OR3A2: variants seen among roughly 807,000 people sequenced by gnomAD.
OR3A2 encodes the protein olfactory receptor 3A2.
For synonymous variants in OR3A2, 126 were observed against 159.3 expected (o/e 0.79, Z 1.57); for missense variants, 318 against 392.8 (o/e 0.81, Z 1.61).
At chr17:3,331,409 C>G (rs1436684073) in intron 3 of OR3A2, among the ~76,000 whole-genome samples, 1 of 151,072 alleles carries the variant, frequency 6.6e-6, no homozygotes, top group South Asian at 2.1e-4. Context: ...AGGCTTTGCT[C>G]ATTTCTTTTT....
At chr17:3,280,648 G>A (rs945874278) in intron 1 of OR3A2, among the ~76,000 whole-genome samples, 1 of 152,174 alleles carries the variant, frequency 6.6e-6, no homozygotes, top group Non-Finnish European at 1.5e-5. Flanking sequence ...AGCCAGGCCA[G>A]AGGTTCTTTA....
intron 2 of OR3A2, among the ~76,000 whole-genome samples, chr17:3,358,947 T>C (rs1243353639): frequency 6.6e-6 from 1 of 151,810 alleles, no homozygotes; most frequent in Non-Finnish European, 1.5e-5. Context: ...ACTTGCTTTA[T>C]AAATCTGGGT....
chr17:3,345,921 A>C (rs1022178598), intron 2 of OR3A2, among the ~76,000 whole-genome samples: 7 of 152,202 alleles, frequency 4.6e-5, no homozygotes, highest in African/African-American at 1.7e-4. Context: ...CTGACAGAAG[A>C]GTCTACAAGC....
chr17:3,291,358 C>T (rs2048864557), intron 3 of OR3A2: 1 of 335,194 alleles, frequency 3.0e-6, no homozygotes, highest in African/African-American at 2.1e-5. Flanking sequence ...CCTGTCAGCA[C>T]TCACAGCTTC....
chr17:3,372,581 G>T (rs1176218532), intron 2 of OR3A2, among the ~76,000 whole-genome samples: 1 of 152,122 alleles, frequency 6.6e-6, no homozygotes, highest in Non-Finnish European at 1.5e-5. Context: ...CGGCACCTCG[G>T]GAGGCCGAGG....
At chr17:3,332,590 G>A (rs1037012603) in intron 3 of OR3A2, among the ~76,000 whole-genome samples, 5 of 152,146 alleles carry the variant, frequency 3.3e-5, no homozygotes, top group East Asian at 1.9e-4. Context: ...ACTGACCTGC[G>A]CCCACTGTCT....
chr17:3,300,119 A>G (rs1161942619), intron 3 of OR3A2, among the ~76,000 whole-genome samples: 1 of 151,676 alleles, frequency 6.6e-6, no homozygotes, highest in Non-Finnish European at 1.5e-5. Context: ...ACTTTTCTAT[A>G]AGACTTTCCC....
chr17:3,311,799 A>C lies in OR3A2; in HGVS notation c.-85+24234T>G, dbSNP rs2049046450. ...TGTGTCTGGGCTCAGTCTCAGCCTCAGACAAAGATAAGGGGATTGGGATCC... is the reference window on the plus strand; with the variant it reads ...TGTGTCTGGGCTCAGTCTCAGCCTCCGACAAAGATAAGGGGATTGGGATCC... On this transcript the variant is annotated intron_variant, in intron 3 of 4. Transcript: ENST00000573491. The surrounding 1 kb of genome is among the most constrained non-coding windows in gnomAD (Gnocchi z 4.6). The C allele has an allele frequency of 5.0e-6, 1 of 200,288 alleles. No homozygotes were observed. Among genetic ancestry groups the C allele is most frequent in the African/African-American group, 2.3e-5 (1 of 43,490 alleles). The allele number at this position is 200,288 out of a possible 1,614,324, so 12.4% of individuals were successfully genotyped here.
At chr17:3,345,438 GAT>G (rs1491060098) in intron 2 of OR3A2, among the ~76,000 whole-genome samples, 6 of 132,772 alleles carry the variant, frequency 4.5e-5, no homozygotes, top group African/African-American at 8.6e-5. Flanking sequence ...GAGAGAGAGA[GAT>G]AGAGACAGAG....
At chr17:3,289,502 A>G (rs1166387748) in intron 3 of OR3A2, among the ~76,000 whole-genome samples, 2 of 152,244 alleles carry the variant, frequency 1.3e-5, no homozygotes, top group African/African-American at 4.8e-5. Flanking sequence ...AGCCAGCTGA[A>G]GAAATGCCAG....
At chr17:3,315,468 C>G (rs2318023) in intron 3 of OR3A2, among the ~76,000 whole-genome samples, 10 of 151,926 alleles carry the variant, frequency 6.6e-5, no homozygotes, top group African/African-American at 2.4e-4. Flanking sequence ...CTGGGTTTGT[C>G]GGCCACTTGT....
rs185775170 is a variant in OR3A2, at chr17:3,366,165, T to C, written c.-179+17639A>G. Reference sequence around the variant, plus strand: ...GCAACTGGATTCACTGTCCAAACGATGATCAAGTAGGAGTGAAGTAGTTCC... The same window carrying C: ...GCAACTGGATTCACTGTCCAAACGACGATCAAGTAGGAGTGAAGTAGTTCC... On this transcript the variant is annotated intron_variant, in intron 2 of 4. Transcript: ENST00000573491. 2.4e-3 allele frequency among the ~76,000 whole-genome samples: 373 copies of C among 152,332 alleles called. 3 individuals are homozygous for C. The highest frequency in any genetic ancestry group is 2.4e-3 in the Admixed American group (37 of 15,304).
At chr17:3,385,443 A>G (rs2049769348) in intron 1 of OR3A2, among the ~76,000 whole-genome samples, 1 of 152,008 alleles carries the variant, frequency 6.6e-6, no homozygotes, top group South Asian at 2.1e-4. Context: ...GATAGATGAT[A>G]GAGGAGGATA....
chr17:3,363,600 C>T (rs1406757978), intron 2 of OR3A2, among the ~76,000 whole-genome samples: 1 of 151,758 alleles, frequency 6.6e-6, no homozygotes, highest in East Asian at 1.9e-4. Context: ...ACTATTCCAA[C>T]CTCTGCCCAT....
upstream of OR3A2, among the ~76,000 whole-genome samples, chr17:3,288,417 A>C (rs546058277): frequency 1.3e-5 from 2 of 152,316 alleles, no homozygotes; most frequent in African/African-American, 4.8e-5. Context: ...CATATAGCCT[A>C]GGTGTTCAGT....
chr17:3,286,089 T>C (rs150857197), upstream of OR3A2, among the ~76,000 whole-genome samples: 2,630 of 151,808 alleles, frequency 0.017, 86 homozygotes, highest in African/African-American at 0.06. Context: ...CAAGAGGCCC[T>C]GGTGTGTGGT....
At position 3,321,923 on chromosome 17, in the gene OR3A2, T is replaced by C. The variant is rs539164954; in HGVS notation, c.-85+14110A>G. Among the ~76,000 whole-genome samples, 184 of 152,270 alleles carry C rather than the reference T, an allele frequency of 1.2e-3. 2 individuals are homozygous for C. Among genetic ancestry groups the C allele is most frequent in the African/African-American group, 4.3e-3 (177 of 41,530 alleles). ...ATGAATTAGGGTGGATTCCCTCTTT[T>C]TCTTTTGATTGGAATAGTTTCAGAA... is the stretch of plus-strand genomic sequence containing the variant. On this transcript the variant is annotated intron_variant, in intron 3 of 4. Transcript: ENST00000573491.
At chr17:3,328,072 AG>A (rs930499870) in intron 3 of OR3A2, among the ~76,000 whole-genome samples, 5 of 145,396 alleles carry the variant, frequency 3.4e-5, no homozygotes, top group African/African-American at 1.3e-4. Flanking sequence ...ACTTTAAAGT[AG>A]TTTTTTCCAA....
chr17:3,292,823 C>T lies in OR3A2; in HGVS notation c.-84-13670G>A, dbSNP rs775258319. ...GGTAACATTACCACTCTGGACCTCC[C>T]TCCTCCAACCCGCCCCCCAGCTGCA... On this transcript the variant is annotated intron_variant, in intron 3 of 4. Transcript: ENST00000573491. Among the ~76,000 whole-genome samples the T allele has an allele frequency of 6.2e-4, 95 of 152,066 alleles. 1 individual carries two copies. The highest frequency in any genetic ancestry group is 3.1e-4 in the Non-Finnish European group (21 of 68,012).
Sources: allele counts gnomAD v4.1 joint callset (sites outside exome capture counted in the v4.1 genomes callset), GRCh38; gene constraint gnomAD v4.1.1; non-coding constraint Gnocchi (gnomAD v3.1); transcripts MANE v1.5; gene names NCBI Gene and HGNC (gene_info 2026-07-23, HGNC 2026-07-21).